IGSF21: variants seen among roughly 807,000 people sequenced by gnomAD.
IGSF21 encodes the protein immunoglobulin superfamily member 21.
IGSF21 carries 28 observed loss-of-function variants against 46.8 expected under a neutral mutation model. That is an observed-to-expected ratio of 0.60 (90% CI 0.44 to 0.82). IGSF21 has a LOEUF of 0.82. Ranked by LOEUF, IGSF21 falls within the 40% of genes least tolerant of loss-of-function variation. The pLI, the probability that IGSF21 is intolerant of heterozygous loss-of-function variation, is 0.00. For synonymous variants in IGSF21, 284 were observed against 273.6 expected (o/e 1.04, Z -0.38); for missense variants, 624 against 665.5 (o/e 0.94, Z 0.69).
intron 1 of IGSF21, chr1:18,110,958 G>C (rs2086138019): frequency 6.6e-6 from 1 of 152,270 alleles, no homozygotes; most frequent in African/African-American, 2.4e-5. Context: ...GGGATTGCGC[G>C]GGCGGAGGTG....
intron 3 of IGSF21, among the ~76,000 whole-genome samples, chr1:18,313,676 C>T (rs2085512888): frequency 6.6e-6 from 1 of 152,172 alleles, no homozygotes; most frequent in Non-Finnish European, 1.5e-5. Flanking sequence ...CAGGGCTCTC[C>T]ATCTCCACCT....
At chr1:18,270,432 T>C (rs2085031634) in intron 2 of IGSF21, among the ~76,000 whole-genome samples, 2 of 152,208 alleles carry the variant, frequency 1.3e-5, no homozygotes, top group Admixed American at 6.5e-5. Flanking sequence ...ACACTCGGCA[T>C]CTGGTCCTGC....
At chr1:18,139,692 G>A (rs2086397420) in intron 1 of IGSF21, among the ~76,000 whole-genome samples, 1 of 152,196 alleles carries the variant, frequency 6.6e-6, no homozygotes, top group South Asian at 2.1e-4. Context: ...GATGCCCTAG[G>A]CTTCAATTTC....
chr1:18,159,800 G>A (rs1416623053), intron 1 of IGSF21, among the ~76,000 whole-genome samples: 1 of 151,406 alleles, frequency 6.6e-6, no homozygotes, highest in Non-Finnish European at 1.5e-5. Context: ...CTCTGCCTCA[G>A]CCTCCTGAGT....
At chr1:18,210,329 C>T (rs1305662447) in intron 1 of IGSF21, among the ~76,000 whole-genome samples, 2 of 152,200 alleles carry the variant, frequency 1.3e-5, no homozygotes, top group African/African-American at 4.8e-5. Context: ...AACAGAGTGA[C>T]TGTAAAGGGA....
intron 2 of IGSF21, among the ~76,000 whole-genome samples, chr1:18,239,761 C>G (rs1006599608): frequency 1.3e-5 from 2 of 152,110 alleles, no homozygotes; most frequent in African/African-American, 4.8e-5. Context: ...TGCCCCCCCT[C>G]CCCGCCACCA....
chr1:18,317,218 G>A (rs1375470531), intron 3 of IGSF21, among the ~76,000 whole-genome samples: 1 of 151,742 alleles, frequency 6.6e-6, no homozygotes, highest in Admixed American at 6.6e-5. Flanking sequence ...CAGGACCAGT[G>A]GTGGTTCCTC....
intron 2 of IGSF21, among the ~76,000 whole-genome samples, chr1:18,287,762 G>C (rs1557626048): frequency 6.6e-6 from 1 of 152,150 alleles, no homozygotes; most frequent in Non-Finnish European, 1.5e-5. Flanking sequence ...ATGACTACTA[G>C]CAAATTCTCG....
At chr1:18,291,762 C>CCTT (rs1285868664) in intron 2 of IGSF21, 104 bp from the exon 3 acceptor site, 1 of 1,386,130 alleles carries the variant, frequency 7.2e-7, no homozygotes, top group Admixed American at 1.8e-5. Flanking sequence ...TGGGGGCTGT[C>CCTT]CTTCTTCTGG....
At chr1:18,200,484 G>A (rs991013770) in intron 1 of IGSF21, among the ~76,000 whole-genome samples, 4 of 152,162 alleles carry the variant, frequency 2.6e-5, no homozygotes, top group African/African-American at 9.7e-5. Flanking sequence ...AGCTGCTGGT[G>A]GCTGCTGCAA....
chr1:18,336,618 C>A (rs1405848246), intron 4 of IGSF21, among the ~76,000 whole-genome samples: 1 of 152,206 alleles, frequency 6.6e-6, no homozygotes, highest in Non-Finnish European at 1.5e-5. Flanking sequence ...ATCTAAGGTG[C>A]CTTCAAGCAA....
intron 4 of IGSF21, among the ~76,000 whole-genome samples, chr1:18,336,845 G>A (rs967625860): frequency 4.6e-5 from 7 of 152,198 alleles, no homozygotes; most frequent in African/African-American, 9.7e-5. Flanking sequence ...GGCTAGGGAG[G>A]CCTCACAATC....
intron 2 of IGSF21, among the ~76,000 whole-genome samples, chr1:18,233,805 C>G (rs966320556): frequency 3.3e-5 from 5 of 152,142 alleles, no homozygotes; most frequent in Non-Finnish European, 7.3e-5. Context: ...GGTGAACTCA[C>G]TGGGTTTCAA....
Position 18,196,255 on chromosome 1 carries a change from T to C in IGSF21, c.71-31643T>C, listed in dbSNP as rs144800277. ...GCCACCTTATAATCCCCGAGAAAGA[T>C]GCCAGCAGGCTGAATGGATTTGGGG... On this transcript the variant is annotated intron_variant, in intron 1 of 9. Coordinates refer to ENST00000251296, the MANE Select transcript of IGSF21 (RefSeq NM_032880.5). Among the ~76,000 whole-genome samples, 571 of 151,934 alleles carry C rather than the reference T, an allele frequency of 3.8e-3. 3 individuals carry two copies. The highest frequency in any genetic ancestry group is 0.013 in the African/African-American group (543 of 41,454).
At chr1:18,161,270 C>T (rs1021622780) in intron 1 of IGSF21, among the ~76,000 whole-genome samples, 1 of 152,140 alleles carries the variant, frequency 6.6e-6, no homozygotes, top group Non-Finnish European at 1.5e-5. Context: ...CACACAATGC[C>T]TGCTGTATAG....
At chr1:18,300,831 G>A (rs1557632527) in intron 3 of IGSF21, among the ~76,000 whole-genome samples, 1 of 152,092 alleles carries the variant, frequency 6.6e-6, no homozygotes, top group Non-Finnish European at 1.5e-5. Flanking sequence ...AGGAAAGGGG[G>A]GCCCCCCTTT....
intron 1 of IGSF21, among the ~76,000 whole-genome samples, chr1:18,130,937 A>G (rs924772815): frequency 1.3e-5 from 2 of 152,274 alleles, no homozygotes; most frequent in African/African-American, 4.8e-5. Flanking sequence ...CACAGCCTGT[A>G]TGGGGGACCT....
chr1:18,170,652 C>T (rs2086727851), intron 1 of IGSF21, among the ~76,000 whole-genome samples: 1 of 151,994 alleles, frequency 6.6e-6, no homozygotes, highest in Admixed American at 6.6e-5. Context: ...GCAACTTGCT[C>T]AAGTTGGCAC....
In IGSF21 at chr1:18,179,570, T is replaced by A. The variant is rs544131105; in HGVS notation, c.71-48328T>A. 3.9e-5 allele frequency among the ~76,000 whole-genome samples: 6 copies of A among 152,328 alleles called. No homozygotes were observed. The East Asian group carries it at 1.2e-3, about 29-fold the overall frequency. The stretch of plus-strand genomic sequence containing the variant: ...TTTTTTTCCCTGATTTTAAAAGGAA[T>A]CAAAATGAAAACATATTTTGGGCCC... On this transcript the variant is annotated intron_variant, in intron 1 of 9. Coordinates refer to ENST00000251296, the MANE Select transcript of IGSF21 (RefSeq NM_032880.5).
Sources: allele counts gnomAD v4.1 joint callset (sites outside exome capture counted in the v4.1 genomes callset), GRCh38; gene constraint gnomAD v4.1.1; transcripts MANE v1.5; gene names NCBI Gene and HGNC (gene_info 2026-07-23, HGNC 2026-07-21).